EEA1: variants seen among roughly 807,000 people sequenced by gnomAD.
EEA1 encodes early endosome antigen 1.
EEA1 carries 111 observed loss-of-function variants against 209.2 expected under a neutral mutation model. The ratio of observed to expected loss-of-function variants is 0.53; its 90% confidence interval spans 0.45 to 0.62. The LOEUF (loss-of-function observed/expected upper bound fraction) is 0.62. Ranked by LOEUF, EEA1 falls within the 20% of genes least tolerant of loss-of-function variation. EEA1 has a pLI of 0.00. For synonymous variants in EEA1, 536 were observed against 540.6 expected (o/e 0.99, Z 0.12); for missense variants, 1,343 against 1,530.8 (o/e 0.88, Z 2.05).
chr12:92,794,620 C>CTA (rs1413463131), intron 21 of EEA1, among the ~76,000 whole-genome samples: 5 of 151,592 alleles, frequency 3.3e-5, no homozygotes, highest in Non-Finnish European at 7.4e-5. Context: ...TCTCAGCAAA[C>CTA]TATAACAAGG....
chr12:92,907,030 T>C (rs1211323112), intron 1 of EEA1, among the ~76,000 whole-genome samples: 1 of 152,140 alleles, frequency 6.6e-6, no homozygotes, highest in African/African-American at 2.4e-5. Context: ...CCTTTTCTAC[T>C]ATTAAGAGCT....
rs1873405588 is a variant in EEA1 at position 92,770,955 on chromosome 12, A to G, written c.*5056T>C. On this transcript the variant is annotated 3_prime_UTR_variant, in exon 29 of 29. Coordinates refer to ENST00000322349, the MANE Select transcript of EEA1 (RefSeq NM_003566.4). ...TGTCTCTTAACTTTATTTTTTGAAG[A>G]ATGATGGTGTTTGCCATAAAAATAC... The G allele has an allele frequency of 6.6e-6, 1 of 151,736 alleles. No homozygotes were observed. Among genetic ancestry groups the G allele is most frequent in the Non-Finnish European group, 1.5e-5 (1 of 67,934 alleles). 9.4% of individuals were successfully genotyped at this position (151,736 alleles called of 1,614,324 possible).
At chr12:92,925,581 G>A (rs879679133) in intron 1 of EEA1, among the ~76,000 whole-genome samples, 3 of 152,142 alleles carry the variant, frequency 2.0e-5, no homozygotes, top group Admixed American at 6.5e-5. Flanking sequence ...GGTACTAAAC[G>A]TTGATTAAAT....
intron 1 of EEA1, chr12:92,895,510 A>G (rs1192049160): frequency 1.0e-3 from 1 of 986 alleles, no homozygotes; most frequent in Non-Finnish European, 4.5e-3. Flanking sequence ...TGCCACTGGA[A>G]AAAAAAAAAA....
intron 2 of EEA1, among the ~76,000 whole-genome samples, chr12:92,873,189 T>A (rs899831398): frequency 6.6e-6 from 1 of 152,226 alleles, no homozygotes; most frequent in African/African-American, 2.4e-5. Context: ...TACTAGCACC[T>A]ATTCTTCTAG....
At position 92,867,903 on chromosome 12, in the gene EEA1, C is replaced by T. The variant is rs146407997; in HGVS notation, c.118-2916G>A. On this transcript the variant is annotated intron_variant, in intron 2 of 28. Coordinates refer to ENST00000322349, the MANE Select transcript of EEA1 (RefSeq NM_003566.4). ...GAGACACAGTCACTGGAATTCAGTA[C>T]GAAAGAATAAATAGGAGTTTACCTG... Among the ~76,000 whole-genome samples the T allele has an allele frequency of 8.0e-3, 1,215 of 151,844 alleles. 14 individuals are homozygous for T. The highest frequency in any genetic ancestry group is 0.028 in the African/African-American group (1,149 of 41,376).
intron 18 of EEA1, among the ~76,000 whole-genome samples, chr12:92,804,369 G>A (rs1449203165): frequency 1.3e-5 from 2 of 151,950 alleles, no homozygotes; most frequent in East Asian, 1.9e-4. Context: ...TCAGGAGATC[G>A]AGACCAACCT....
intron 1 of EEA1, among the ~76,000 whole-genome samples, chr12:92,923,762 G>A (rs1414179696): frequency 6.8e-6 from 1 of 146,008 alleles, no homozygotes; most frequent in African/African-American, 2.5e-5. Flanking sequence ...AGAGTGTTTT[G>A]CACAGTAGTT....
intron 2 of EEA1, among the ~76,000 whole-genome samples, chr12:92,879,883 A>G (rs528103913): frequency 1.3e-5 from 2 of 152,174 alleles, no homozygotes; most frequent in Non-Finnish European, 2.9e-5. Context: ...GGGACCAGGC[A>G]CAGTCCCTGC....
chr12:92,777,883 T>C (rs1873728378), intron 26 of EEA1, 58 bp downstream of exon 26: 6 of 1,512,194 alleles, frequency 4.0e-6, no homozygotes, highest in Non-Finnish European at 5.5e-6. Context: ...CTATGGAATA[T>C]GACAATCTTT....
chr12:92,904,540 C>G (rs1443193309), intron 1 of EEA1, among the ~76,000 whole-genome samples: 2 of 152,210 alleles, frequency 1.3e-5, no homozygotes, highest in Non-Finnish European at 2.9e-5. Context: ...ACTAAGGGAT[C>G]AGTCCCTTAA....
chr12:92,885,575 G>A (rs1565850082), intron 2 of EEA1, among the ~76,000 whole-genome samples: 1 of 152,188 alleles, frequency 6.6e-6, no homozygotes. Flanking sequence ...TGTATAATCT[G>A]AAGAATTTCA....
chr12:92,789,020 G>A (rs1275634415), intron 21 of EEA1, among the ~76,000 whole-genome samples: 1 of 152,078 alleles, frequency 6.6e-6, no homozygotes, highest in African/African-American at 2.4e-5. Flanking sequence ...GCCGGGCATG[G>A]TGGCTCACAC....
At chr12:92,867,168 T>G (rs986889093) in intron 2 of EEA1, among the ~76,000 whole-genome samples, 3 of 152,178 alleles carry the variant, frequency 2.0e-5, no homozygotes, top group African/African-American at 7.2e-5. Flanking sequence ...ACCTATGCAG[T>G]CTGATCTCCA....
chr12:92,837,140 A>C (rs1876965467), intron 10 of EEA1, among the ~76,000 whole-genome samples: 1 of 150,950 alleles, frequency 6.6e-6, no homozygotes, highest in South Asian at 2.1e-4. Context: ...AAAAAAAAAA[A>C]AACCAACAAC....
chr12:92,782,238 A>C, intron 22 of EEA1, 103 bp from the exon 23 acceptor site: 2 of 920,036 alleles, frequency 2.2e-6, no homozygotes, highest in Non-Finnish European at 3.2e-6. Context: ...AACTATAAAA[A>C]GATAGCATAT....
chr12:92,799,392 T>C (rs996742768), intron 20 of EEA1, among the ~76,000 whole-genome samples: 4 of 152,228 alleles, frequency 2.6e-5, no homozygotes, highest in Admixed American at 2.0e-4. Context: ...TATAATTGTA[T>C]AGTTACAGCT....
intron 21 of EEA1, among the ~76,000 whole-genome samples, chr12:92,792,498 C>G (rs1874451846): frequency 6.6e-6 from 1 of 152,152 alleles, no homozygotes; most frequent in Non-Finnish European, 1.5e-5. Flanking sequence ...ATACTATAAA[C>G]ACCTCTACAC....
At chr12:92,909,466 G>A (rs537139064) in intron 1 of EEA1, among the ~76,000 whole-genome samples, 40 of 152,218 alleles carry the variant, frequency 2.6e-4, no homozygotes, top group South Asian at 1.2e-3. Context: ...ATGTAAATCC[G>A]TGAGTTCATA....
Sources: allele counts gnomAD v4.1 joint callset (sites outside exome capture counted in the v4.1 genomes callset), GRCh38; gene constraint gnomAD v4.1.1; transcripts MANE v1.5; gene names NCBI Gene and HGNC (gene_info 2026-07-23, HGNC 2026-07-21).